The following GRWD1 variants were observed in gnomAD, a reference collection of about 807,000 sequenced individuals.
The protein encoded by GRWD1 is glutamate-rich WD repeat-containing protein 1.
Under a neutral mutation model 45.3 loss-of-function variants are expected in GRWD1, and 29 were observed. The observed-to-expected ratio is 0.64, with a 90% CI of 0.48 to 0.87. GRWD1 has a LOEUF of 0.87. Among genes scored for constraint, GRWD1 ranks in the 40% least tolerant of loss-of-function variants. GRWD1 has a pLI of 0.00. For missense variants in GRWD1, 592 were observed against 618.8 expected, an observed-to-expected ratio of 0.96 and a Z score of 0.46; for synonymous variants, 262 against 257.6, an observed-to-expected ratio of 1.02 and a Z score of -0.16.
intron 1 of GRWD1, 77 bp from the exon 2 acceptor site, chr19:48,446,308 G>A: frequency 1.9e-6 from 3 of 1,556,618 alleles, no homozygotes; most frequent in Non-Finnish European, 1.8e-6. Context: ...TACCGGAGGC[G>A]GTTGATCCAT....
chr19:48,450,291 T>G lies in GRWD1; in HGVS notation c.469-22T>G, dbSNP rs183722277. 31 of 1,592,474 alleles carry G rather than the reference T, an allele frequency of 1.9e-5. No homozygotes were observed. The African/African-American group carries it at 3.9e-4, about 20-fold the overall frequency. On this transcript the variant is annotated intron_variant, in intron 3 of 6. Transcript: ENST00000253237. This position sits in a 1 kb window ranked among gnomAD's most constrained non-coding sequence, Gnocchi z 5.1. The stretch of plus-strand genomic sequence containing the variant: ...CCTCTCCCCTCGCTTCACATCACCC[T>G]TCCCCCACCGCTCTTCTGCAGGTGT...
rs771216738 is a variant in GRWD1 at position 48,453,009 on chromosome 19, G to A, written c.1325G>A (p.Arg442His). ...STALSGFTIF[R>H]TISV Reference sequence around the variant, plus strand: ...GCGCTGTCAGGCTTCACCATCTTCCGCACCATCAGCGTCTGAGGCGTCCCA... The same window carrying A: ...GCGCTGTCAGGCTTCACCATCTTCCACACCATCAGCGTCTGAGGCGTCCCA... The change falls in exon 7 of 7, where the codon CGC (arginine) becomes CAC (histidine). Residue 442 changes from arginine to histidine, a missense_variant. By Grantham distance (29) the Arg-to-His change is conservative (BLOSUM62 0). Transcript: ENST00000253237. The A allele has an allele frequency of 2.8e-5, 45 of 1,588,266 alleles. No individual in the cohort carries two copies. Among genetic ancestry groups the A allele is most frequent in the East Asian group, 9.0e-5 (4 of 44,272 alleles).
Position 48,453,159 on chromosome 19 carries a change from C to T in GRWD1, c.*134C>T, listed in dbSNP as rs551088537. 32 of 760,286 alleles carry T rather than the reference C, an allele frequency of 4.2e-5. No individual in the cohort carries two copies. The African/African-American group carries it at 4.4e-4, about 10-fold the overall frequency. The allele number at this position is 760,286 out of a possible 1,614,324, so 47.1% of individuals were successfully genotyped here. On this transcript the variant is annotated 3_prime_UTR_variant, in exon 7 of 7. Coordinates refer to ENST00000253237, the MANE Select transcript of GRWD1 (RefSeq NM_031485.4). ...GGCTGCCGTGATGGATTCTGTTTGACGTATTGTTCTCTAGAAGGCCTGGCT... is the reference window on the plus strand; with the variant it reads ...GGCTGCCGTGATGGATTCTGTTTGATGTATTGTTCTCTAGAAGGCCTGGCT...
Position 48,452,642 on chromosome 19 carries a change from G to A in GRWD1, c.1024-66G>A. 7.3e-7 allele frequency: 1 copy of A among 1,373,272 alleles called. No individual in the cohort carries two copies. The highest frequency in any genetic ancestry group is 1.0e-6 in the Non-Finnish European group (1 of 1,000,284). 85.1% of individuals were successfully genotyped at this position (1,373,272 alleles called of 1,614,324 possible). A position where few individuals can be genotyped will look rare whatever the true frequency, so the allele number is the denominator to read the frequency against. On this transcript the variant is annotated intron_variant, in intron 6 of 6. Coordinates refer to ENST00000253237, the MANE Select transcript of GRWD1 (RefSeq NM_031485.4). This position sits in a 1 kb window ranked among gnomAD's most constrained non-coding sequence, Gnocchi z 5.1. ...AGGCTGGAGAAGGGTTGGGGCTTCTGCCTGGGTCCTCCCCAGAGTCAGGCT... is the reference window on the plus strand; with the variant it reads ...AGGCTGGAGAAGGGTTGGGGCTTCTACCTGGGTCCTCCCCAGAGTCAGGCT...
At position 48,450,689 on chromosome 19, in the gene GRWD1, C is replaced by G. The variant is rs1971463189; in HGVS notation, c.706C>G (p.Gln236Glu). Residue 236 changes from glutamine (Q) to glutamate (E), a missense_variant, in exon 5 of 7, where the codon CAA (glutamine) becomes GAA (glutamate). Physicochemically the swap from Gln to Glu is conservative, Grantham distance 29. Transcript: ENST00000253237. This position sits in a 1 kb window ranked among gnomAD's most constrained non-coding sequence, Gnocchi z 5.1. ...VTGRLLTGDC[Q>E]KNIHLWTPTD... is the part of the protein sequence containing the mutation. The stretch of plus-strand genomic sequence containing the variant: ...AGGTCGCCTGCTGACCGGTGACTGT[C>G]AAAAGAACATCCACCTCTGGACACC... The G allele has an allele frequency of 2.5e-6, 4 of 1,614,008 alleles. No individual in the cohort carries two copies. Among genetic ancestry groups the G allele is most frequent in the Non-Finnish European group, 3.4e-6 (4 of 1,180,008 alleles).
chr19:48,447,627 C>T (rs1368380194), intron 3 of GRWD1, among the ~76,000 whole-genome samples: 3 of 151,872 alleles, frequency 2.0e-5, no homozygotes, highest in Non-Finnish European at 2.9e-5. Flanking sequence ...TTGATCCGCA[C>T]GCCTCGGGCA....
At position 48,455,673 on chromosome 19, in the gene GRWD1, C is replaced by G. The variant is rs984191236; in HGVS notation, c.*2648C>G. On this transcript the variant is annotated 3_prime_UTR_variant, in exon 7 of 7. Transcript: ENST00000253237. ...GGAAGTAGACAACGGGTCTGCCTCA[C>G]GGGGCTGAGGTGGGACTGGAGGATT... The G allele has an allele frequency of 6.6e-6, 1 of 152,310 alleles. No homozygotes were observed. Among genetic ancestry groups the G allele is most frequent in the South Asian group, 2.1e-4 (1 of 4,828 alleles). 9.4% of individuals were successfully genotyped at this position (152,310 alleles called of 1,614,324 possible).
Position 48,452,107 on chromosome 19 carries a change from CT to C in GRWD1, c.1024-592del, listed in dbSNP as rs1971482197. Among the ~76,000 whole-genome samples, 4 of 116,818 alleles carry C rather than the reference CT, an allele frequency of 3.4e-5. No individual in the cohort carries two copies. The highest frequency in any genetic ancestry group is 2.8e-4 in the East Asian group (1 of 3,588). 76.6% of individuals were successfully genotyped at this position (116,818 alleles called of 152,430 possible). A position where few individuals can be genotyped will look rare whatever the true frequency, so the allele number is the denominator to read the frequency against. ...TTTTTTTCTTTTTTTTTTTTTTTTT[CT>C]TTTTTTTTGCGATGGAGTTTTGCTC... is the stretch of plus-strand genomic sequence containing the variant. On this transcript the variant is annotated intron_variant, in intron 6 of 6. Coordinates refer to ENST00000253237, the MANE Select transcript of GRWD1 (RefSeq NM_031485.4). This position sits in a 1 kb window ranked among gnomAD's most constrained non-coding sequence, Gnocchi z 5.1.
At chr19:48,448,792 C>A (rs1971439468) in intron 3 of GRWD1, among the ~76,000 whole-genome samples, 1 of 152,056 alleles carries the variant, frequency 6.6e-6, no homozygotes, top group East Asian at 1.9e-4. Context: ...GCAGAATGAA[C>A]AAAAGGGAGA....
Position 48,454,927 on chromosome 19 carries a change from G to A in GRWD1, c.*1902G>A, listed in dbSNP as rs550919288. Reference sequence around the variant, plus strand: ...CTTCACAATTTCATCTCCCCATGTCGCCATTTCTTAAAACATTTCTTTTCT... The same window carrying A: ...CTTCACAATTTCATCTCCCCATGTCACCATTTCTTAAAACATTTCTTTTCT... On this transcript the variant is annotated 3_prime_UTR_variant, in exon 7 of 7. Coordinates refer to ENST00000253237, the MANE Select transcript of GRWD1 (RefSeq NM_031485.4). The A allele has an allele frequency of 1.5e-3, 229 of 150,182 alleles. 2 individuals carry two copies. The highest frequency in any genetic ancestry group is 2.9e-3 in the Non-Finnish European group (194 of 67,802). The allele number at this position is 150,182 out of a possible 1,614,324, so 9.3% of individuals were successfully genotyped here. A position where few individuals can be genotyped will look rare whatever the true frequency, so the allele number is the denominator to read the frequency against.
chr19:48,454,622 C>T lies in GRWD1; in HGVS notation c.*1597C>T, dbSNP rs1029100182. The T allele has an allele frequency of 6.6e-6, 1 of 152,402 alleles. No homozygotes were observed. Among genetic ancestry groups the T allele is most frequent in the African/African-American group, 2.4e-5 (1 of 41,380 alleles). The allele number at this position is 152,402 out of a possible 1,614,324, so 9.4% of individuals were successfully genotyped here. A position where few individuals can be genotyped will look rare whatever the true frequency, so the allele number is the denominator to read the frequency against. ...TCCATGCAAGGCACCGCTGAGCCAT[C>T]CCCTCCTGCTCTGCTGCGTCGCCCC... On this transcript the variant is annotated 3_prime_UTR_variant, in exon 7 of 7. Coordinates refer to ENST00000253237, the MANE Select transcript of GRWD1 (RefSeq NM_031485.4).
chr19:48,453,849 G>A lies in GRWD1; in HGVS notation c.*824G>A, dbSNP rs995428961. On this transcript the variant is annotated 3_prime_UTR_variant, in exon 7 of 7. Coordinates refer to ENST00000253237, the MANE Select transcript of GRWD1 (RefSeq NM_031485.4). ...TGACTTTAGAGGCTGGTGCTGTGTC[G>A]GGAGGAAGGTCAGGGCTCCTGAGCA... is the stretch of plus-strand genomic sequence containing the variant. 1.2e-4 allele frequency: 19 copies of A among 152,218 alleles called. No homozygotes were observed. Among genetic ancestry groups the A allele is most frequent in the African/African-American group, 1.9e-4 (8 of 41,418 alleles). 9.4% of individuals were successfully genotyped at this position (152,218 alleles called of 1,614,324 possible).
At chr19:48,448,255 A>C (rs1971433638) in intron 3 of GRWD1, among the ~76,000 whole-genome samples, 1 of 152,144 alleles carries the variant, frequency 6.6e-6, no homozygotes, top group African/African-American at 2.4e-5. Flanking sequence ...CAGCCTGTTT[A>C]TTTGTTTTTT....
intron 3 of GRWD1, among the ~76,000 whole-genome samples, chr19:48,447,538 G>A (rs1971424148): frequency 6.6e-6 from 1 of 152,150 alleles, no homozygotes; most frequent in Non-Finnish European, 1.5e-5. Context: ...ACCGCATCTG[G>A]CCAATTTTTT....
rs1490117912 is a variant in GRWD1 at position 48,452,810 on chromosome 19, C to A, written c.1126C>A (p.His376Asn). ...GGTCTTTGCAGCCTCGGGTGCAGAC[C>A]ACCAGATCACACAGTGGGACCTGGC... ...SGVFAASGAD[H>N]QITQWDLAVE... Residue 376 changes from histidine (H) to asparagine (N), a missense_variant, in exon 7 of 7, where the codon CAC becomes AAC. Coordinates refer to ENST00000253237, the MANE Select transcript of GRWD1 (RefSeq NM_031485.4). This position sits in a 1 kb window ranked among gnomAD's most constrained non-coding sequence, Gnocchi z 5.1. The A allele has an allele frequency of 6.2e-7, 1 of 1,613,416 alleles. No homozygotes were observed. The highest frequency in any genetic ancestry group is 2.2e-5 in the East Asian group (1 of 44,830).
In GRWD1 at chr19:48,450,554, C is replaced by T. The variant is rs763928683; in HGVS notation, c.682+28C>T. On this transcript the variant is annotated intron_variant, in intron 4 of 6. Coordinates refer to ENST00000253237, the MANE Select transcript of GRWD1 (RefSeq NM_031485.4). The surrounding 1 kb of genome is among the most constrained non-coding windows in gnomAD (Gnocchi z 5.1). ...GAGTCCCTGGGGTGTTCAGGAGTCCCGGGAGGTCGGGGGAGCAGGGTCTGC... is the reference window on the plus strand; with the variant it reads ...GAGTCCCTGGGGTGTTCAGGAGTCCTGGGAGGTCGGGGGAGCAGGGTCTGC... The T allele has an allele frequency of 3.7e-6, 6 of 1,612,356 alleles. No individual in the cohort carries two copies. The highest frequency in any genetic ancestry group is 4.5e-5 in the East Asian group (2 of 44,840).
chr19:48,451,245 C>T lies in GRWD1; in HGVS notation c.1023+14C>T, dbSNP rs746923479. 1.3e-5 allele frequency: 21 copies of T among 1,557,884 alleles called. No individual in the cohort carries two copies. The highest frequency in any genetic ancestry group is 6.8e-5 in the African/African-American group (5 of 73,266). ...CGGCAGTTCAAGGTATTTTCCCAGC[C>T]GGACACCTGGGGGCTAGAGAAGCTT... is the stretch of plus-strand genomic sequence containing the variant. On this transcript the variant is annotated intron_variant, in intron 6 of 6. Coordinates refer to ENST00000253237, the MANE Select transcript of GRWD1 (RefSeq NM_031485.4).
intron 6 of GRWD1, 41 bp downstream of exon 6, chr19:48,451,272 C>G: frequency 6.7e-7 from 1 of 1,496,352 alleles, no homozygotes; most frequent in Non-Finnish European, 9.0e-7. Flanking sequence ...GAGAAGCTTG[C>G]TCCCAGCAGC....
In GRWD1 at chr19:48,450,264, C is replaced by A; in HGVS notation, c.469-49C>A. The A allele has an allele frequency of 6.8e-7, 1 of 1,466,712 alleles. No individual in the cohort carries two copies. Among genetic ancestry groups the A allele is most frequent in the Non-Finnish European group, 9.4e-7 (1 of 1,067,592 alleles). 90.9% of individuals were successfully genotyped at this position (1,466,712 alleles called of 1,614,324 possible). A position where few individuals can be genotyped will look rare whatever the true frequency, so the allele number is the denominator to read the frequency against. On this transcript the variant is annotated intron_variant, in intron 3 of 6. Transcript: ENST00000253237. This position sits in a 1 kb window ranked among gnomAD's most constrained non-coding sequence, Gnocchi z 5.1. ...GGAGCGTGGGGTCAGTGCCTTGATC[C>A]TCCTCTCCCCTCGCTTCACATCACC...
Sources: allele counts gnomAD v4.1 joint callset (sites outside exome capture counted in the v4.1 genomes callset), GRCh38; gene constraint gnomAD v4.1.1; non-coding constraint Gnocchi (gnomAD v3.1); transcripts MANE v1.5; gene names NCBI Gene and HGNC (gene_info 2026-07-23, HGNC 2026-07-21).